The following PLCL1 variants were observed in gnomAD, a reference collection of about 807,000 sequenced individuals.
PLCL1 encodes inactive phospholipase C-like protein 1.
A neutral mutation model predicts 84.4 loss-of-function variants in PLCL1; 41 were observed. The ratio of observed to expected loss-of-function variants is 0.49; its 90% CI spans 0.38 to 0.63. The LOEUF is 0.63. Among genes scored for constraint, PLCL1 ranks in the 30% least tolerant of loss-of-function variants. The probability of loss-of-function intolerance (pLI) is 0.00; values close to 1 mark genes in which losing one functional copy is unlikely to be tolerated. For synonymous variants in PLCL1, 490 were observed against 488.3 expected (o/e 1.00, Z -0.05); for missense variants, 1,206 against 1,367.8 (o/e 0.88, Z 1.87).
chr2:198,006,565 C>T (rs566643909), intron 1 of PLCL1, among the ~76,000 whole-genome samples: 11 of 152,168 alleles, frequency 7.2e-5, no homozygotes, highest in African/African-American at 1.9e-4. Flanking sequence ...TATGTTTATT[C>T]GCAGTTTATT....
At chr2:198,120,197 G>C (rs935968085) in intron 5 of PLCL1, among the ~76,000 whole-genome samples, 1 of 151,750 alleles carries the variant, frequency 6.6e-6, no homozygotes, top group South Asian at 2.1e-4. Flanking sequence ...AATTTTTGTG[G>C]GTACATAGGT....
chr2:198,066,466 C>A (rs540572550), intron 1 of PLCL1, among the ~76,000 whole-genome samples: 1 of 151,558 alleles, frequency 6.6e-6, no homozygotes, highest in Non-Finnish European at 1.5e-5. Context: ...TCAGTAGCTC[C>A]TCAAATAAAT....
chr2:197,978,067 C>T (rs1690023875), intron 1 of PLCL1, among the ~76,000 whole-genome samples: 1 of 152,192 alleles, frequency 6.6e-6, no homozygotes, highest in African/African-American at 2.4e-5. Flanking sequence ...TCTTAGGTTA[C>T]TTGTTAACTC....
intron 1 of PLCL1, among the ~76,000 whole-genome samples, chr2:197,917,602 A>G (rs1327588894): frequency 6.6e-6 from 1 of 152,198 alleles, no homozygotes; most frequent in African/African-American, 2.4e-5. Context: ...CACAGAGTGA[A>G]CCTTAATGTA....
At chr2:197,939,493 C>A (rs1445059509) in intron 1 of PLCL1, among the ~76,000 whole-genome samples, 1 of 152,004 alleles carries the variant, frequency 6.6e-6, no homozygotes, top group Non-Finnish European at 1.5e-5. Flanking sequence ...TAGGTGTTGG[C>A]AGGTTTGGTT....
rs1689037883 is a variant in PLCL1, at chr2:197,935,678, G to A, written c.240+130339G>A. Among the ~76,000 whole-genome samples, 8 of 151,986 alleles carry A rather than the reference G, an allele frequency of 5.3e-5. No individual in the cohort carries two copies. In the South Asian group the frequency reaches 1.5e-3, roughly 28 times the overall value. ...TATCGGGTACCATGCTTATTACCGGGGTGACAAAATAATCTGTACACCCAA... is the reference window on the plus strand; with the variant it reads ...TATCGGGTACCATGCTTATTACCGGAGTGACAAAATAATCTGTACACCCAA... On this transcript the variant is annotated intron_variant, in intron 1 of 5. Coordinates refer to ENST00000428675, the MANE Select transcript of PLCL1 (RefSeq NM_006226.4).
chr2:198,019,860 A>C (rs1462524018), intron 1 of PLCL1, among the ~76,000 whole-genome samples: 2 of 152,242 alleles, frequency 1.3e-5, no homozygotes, highest in Non-Finnish European at 2.9e-5. Flanking sequence ...AAGACAGGCC[A>C]ACATTCCAAT....
chr2:197,964,026 C>T (rs756079084), intron 1 of PLCL1, among the ~76,000 whole-genome samples: 7 of 152,070 alleles, frequency 4.6e-5, no homozygotes, highest in Admixed American at 2.6e-4. Context: ...AACTTGAAGT[C>T]GGATAATGTA....
At chr2:197,923,436 T>C (rs1396908011) in intron 1 of PLCL1, among the ~76,000 whole-genome samples, 5 of 123,848 alleles carry the variant, frequency 4.0e-5, no homozygotes, top group East Asian at 2.7e-4. Flanking sequence ...TCCTCACTTC[T>C]CAGACGGGGC....
intron 1 of PLCL1, among the ~76,000 whole-genome samples, chr2:197,824,289 C>G (rs924025758): frequency 9.9e-5 from 15 of 151,994 alleles, no homozygotes; most frequent in Admixed American, 9.8e-4. Context: ...TTGCACCTTA[C>G]AATTCAATGA....
chr2:198,059,613 A>G (rs1692145107), intron 1 of PLCL1, among the ~76,000 whole-genome samples: 1 of 152,162 alleles, frequency 6.6e-6, no homozygotes, highest in Admixed American at 6.5e-5. Flanking sequence ...CTGAGGGACG[A>G]GAAAGCTGAG....
At chr2:197,912,589 A>G (rs1056432371) in intron 1 of PLCL1, among the ~76,000 whole-genome samples, 1 of 150,212 alleles carries the variant, frequency 6.7e-6, no homozygotes. Context: ...TGTGGCACAT[A>G]TACACCATGG....
At chr2:198,109,781 A>T (rs924008203) in intron 5 of PLCL1, among the ~76,000 whole-genome samples, 1 of 151,864 alleles carries the variant, frequency 6.6e-6, no homozygotes, top group Non-Finnish European at 1.5e-5. Context: ...CAAGGGGAGC[A>T]TTTTAGTGAG....
chr2:198,062,709 A>G (rs1217653841), intron 1 of PLCL1, among the ~76,000 whole-genome samples: 1 of 152,154 alleles, frequency 6.6e-6, no homozygotes. Context: ...CATAAGAATC[A>G]CTTGGGGGTG....
At chr2:198,067,569 C>T (rs1022973497) in intron 1 of PLCL1, among the ~76,000 whole-genome samples, 3 of 151,934 alleles carry the variant, frequency 2.0e-5, no homozygotes, top group Non-Finnish European at 4.4e-5. Flanking sequence ...TATTCCTTCC[C>T]GTAGTGAAGG....
chr2:198,095,323 A>G (rs1011016168), intron 3 of PLCL1, among the ~76,000 whole-genome samples: 4 of 152,208 alleles, frequency 2.6e-5, no homozygotes, highest in Non-Finnish European at 5.9e-5. Flanking sequence ...AGTAGGTAGT[A>G]TAGTCACAGA....
At chr2:197,825,744 C>A (rs1690915734) in intron 1 of PLCL1, among the ~76,000 whole-genome samples, 1 of 152,158 alleles carries the variant, frequency 6.6e-6, no homozygotes, top group African/African-American at 2.4e-5. Flanking sequence ...ATCTGGGATC[C>A]TGGAATCTCA....
At chr2:197,934,294 G>T (rs1032676421) in intron 1 of PLCL1, among the ~76,000 whole-genome samples, 1 of 152,178 alleles carries the variant, frequency 6.6e-6, no homozygotes, top group Admixed American at 6.5e-5. Context: ...AGCTGGGGAT[G>T]ATATATAATA....
chr2:197,870,042 T>G (rs748198043), intron 1 of PLCL1, among the ~76,000 whole-genome samples: 1 of 152,140 alleles, frequency 6.6e-6, no homozygotes, highest in African/African-American at 2.4e-5. Flanking sequence ...CCCGTGTATC[T>G]GGGCGGCCAC....
Sources: allele counts gnomAD v4.1 joint callset (sites outside exome capture counted in the v4.1 genomes callset), GRCh38; gene constraint gnomAD v4.1.1; transcripts MANE v1.5; gene names NCBI Gene and HGNC (gene_info 2026-07-23, HGNC 2026-07-21).